Variants in RTN4 observed in about 807,000 individuals in gnomAD.
RTN4 encodes reticulon 4, also known as reticulon-4.
In RTN4, 32 loss-of-function variants were observed where a neutral mutation model predicts 90.4. The observed-to-expected ratio is 0.35, with a 90% CI of 0.27 to 0.48. The LOEUF is 0.48. Among genes scored for constraint, RTN4 ranks in the 20% least tolerant of loss-of-function variants. The pLI is 0.99. For synonymous variants in RTN4, 629 were observed against 552.5 expected, an observed-to-expected ratio of 1.14 and a Z score of -1.94; for missense variants, 1,706 against 1,430.2, an observed-to-expected ratio of 1.19 and a Z score of -3.11.
At chr2:55,080,167 C>G (rs1436673805) in intron 2 of RTN4, among the ~76,000 whole-genome samples, 2 of 152,094 alleles carry the variant, frequency 1.3e-5, no homozygotes, top group Admixed American at 1.3e-4. Context: ...CAGGTACACA[C>G]CACCATACCC....
At chr2:55,074,603 A>C (rs1668570621) in intron 2 of RTN4, among the ~76,000 whole-genome samples, 1 of 152,138 alleles carries the variant, frequency 6.6e-6, no homozygotes, top group African/African-American at 2.4e-5. Flanking sequence ...CCTAATATCA[A>C]AATGAAGAAA....
Position 55,025,211 on chromosome 2 carries a change from T to A in RTN4, c.2888A>T (p.Glu963Val). The A allele has an allele frequency of 6.2e-7, 1 of 1,613,882 alleles. No homozygotes were observed. The highest frequency in any genetic ancestry group is 8.5e-7 in the Non-Finnish European group (1 of 1,179,826). The change falls in exon 3 of 9, where the codon GAG becomes GTG. Residue 963 changes from glutamate to valine, a missense_variant. Coordinates refer to ENST00000337526, the MANE Select transcript of RTN4 (RefSeq NM_020532.5). ...TTTGGGTTTAACTATGCTCTCTATC[T>A]CTGCTTGAGTGGCCAAAGCAGAAAC... The part of the protein sequence containing the change: ...PDVSALATQA[E>V]IESIVKPKVL...
Position 55,049,795 on chromosome 2 carries a change from G to C in RTN4, c.506C>G (p.Pro169Arg). The C allele has an allele frequency of 7.6e-7, 1 of 1,310,020 alleles. No homozygotes were observed. The highest frequency in any genetic ancestry group is 9.7e-7 in the Non-Finnish European group (1 of 1,031,610). The allele number at this position is 1,310,020 out of a possible 1,614,324, so 81.1% of individuals were successfully genotyped here. Residue 169 changes from proline (P) to arginine (R), a missense_variant, in exon 1 of 9, where the codon CCC becomes CGC. Transcript: ENST00000337526. ...CTTGGGCGCGGCCGGGGTGGAGGGG[G>C]GCGCGGCGGGAGCCGGGGCTGGCGG... ...WTPPAPAPAA[P>R]PSTPAAPKRR...
the RTN4 span, among the ~76,000 whole-genome samples, chr2:55,136,499 C>T: frequency 2.0e-5 from 3 of 152,322 alleles, no homozygotes; most frequent in South Asian, 4.1e-4. Flanking sequence ...TTTGTTCCTG[C>T]GCTAAAACTT....
intron 5 of RTN4, among the ~76,000 whole-genome samples, chr2:54,981,732 G>A (rs2588513): frequency 0.85 from 129,988 of 152,098 alleles, 55,987 homozygotes; most frequent in African/African-American, 0.97. Flanking sequence ...ATGATTACCA[G>A]TTGAAGATTA....
At chr2:55,118,896 G>A in the RTN4 span, among the ~76,000 whole-genome samples, 1 of 152,230 alleles carries the variant, frequency 6.6e-6, no homozygotes, top group Non-Finnish European at 1.5e-5. Context: ...CTTTTCTCCT[G>A]TCTAAATTCT....
At chr2:55,058,084 T>G (rs987593729) in intron 2 of RTN4, among the ~76,000 whole-genome samples, 5 of 152,132 alleles carry the variant, frequency 3.3e-5, no homozygotes, top group Admixed American at 6.5e-5. Context: ...AAGGACCTAT[T>G]TGAGGGACTT....
intron 1 of RTN4, among the ~76,000 whole-genome samples, chr2:55,045,482 T>C (rs1420643129): frequency 1.3e-5 from 2 of 152,232 alleles, no homozygotes; most frequent in Non-Finnish European, 2.9e-5. Context: ...AATAGCTTTC[T>C]AAATAATTCA....
chr2:54,999,243 T>G (rs958012118), intron 3 of RTN4, among the ~76,000 whole-genome samples: 1 of 152,214 alleles, frequency 6.6e-6, no homozygotes, highest in African/African-American at 2.4e-5. Context: ...CTTAAATCTT[T>G]TCTTTAAAAT....
At chr2:54,996,718 G>C (rs1679456084) in intron 3 of RTN4, among the ~76,000 whole-genome samples, 1 of 152,156 alleles carries the variant, frequency 6.6e-6, no homozygotes, top group Admixed American at 6.5e-5. Flanking sequence ...AAAGTTAAGA[G>C]CTTAAACTAG....
chr2:55,084,084 G>A (rs1188172919), intron 1 of RTN4, among the ~76,000 whole-genome samples: 1 of 152,154 alleles, frequency 6.6e-6, no homozygotes, highest in Non-Finnish European at 1.5e-5. Flanking sequence ...CAACCTCCAG[G>A]AAGGAAAGAG....
chr2:55,074,767 G>T (rs931403050), intron 2 of RTN4, among the ~76,000 whole-genome samples: 1 of 152,132 alleles, frequency 6.6e-6, no homozygotes, highest in Non-Finnish European at 1.5e-5. Context: ...TAAAGGGATG[G>T]TTTAACATCT....
intron 3 of RTN4, among the ~76,000 whole-genome samples, chr2:54,995,672 C>T (rs1365652948): frequency 1.3e-5 from 2 of 152,108 alleles, no homozygotes; most frequent in Non-Finnish European, 2.9e-5. Flanking sequence ...AAGGCAGGAA[C>T]CAACCCTGGA....
At chr2:55,000,175 A>T (rs1349784334) in intron 3 of RTN4, among the ~76,000 whole-genome samples, 1 of 152,162 alleles carries the variant, frequency 6.6e-6, no homozygotes, top group East Asian at 1.9e-4. Context: ...CTGATTTTTT[A>T]AAAAAGGTGA....
At chr2:55,040,361 CCTCTTCA>C (rs1291234984) in intron 1 of RTN4, among the ~76,000 whole-genome samples, 3 of 151,920 alleles carry the variant, frequency 2.0e-5, no homozygotes, top group African/African-American at 4.8e-5. Flanking sequence ...TCTTTGGTAA[CCTCTTCA>C]GAAGAGAATA....
chr2:55,055,495 C>T (rs1044107033), upstream of RTN4, among the ~76,000 whole-genome samples: 8 of 152,076 alleles, frequency 5.3e-5, no homozygotes, highest in African/African-American at 1.4e-4. Flanking sequence ...TGGCCGGGCG[C>T]GGTGGCTCAC....
upstream of RTN4, among the ~76,000 whole-genome samples, chr2:55,114,663 C>A (rs545940387): frequency 3.9e-5 from 6 of 152,244 alleles, no homozygotes; most frequent in East Asian, 1.2e-3. Flanking sequence ...TGCGGCACTG[C>A]ACTCCAGGCT....
At chr2:55,136,615 A>G in the RTN4 span, among the ~76,000 whole-genome samples, 1 of 152,188 alleles carries the variant, frequency 6.6e-6, no homozygotes, top group Admixed American at 6.5e-5. Flanking sequence ...CCACAGACCC[A>G]TATGGATTCA....
chr2:55,121,495 A>G, the RTN4 span, among the ~76,000 whole-genome samples: 186 of 152,306 alleles, frequency 1.2e-3, no homozygotes, highest in Non-Finnish European at 2.2e-3. Flanking sequence ...ATATCTACCC[A>G]TTTGATTCAT....
Sources: allele counts gnomAD v4.1 joint callset (sites outside exome capture counted in the v4.1 genomes callset), GRCh38; gene constraint gnomAD v4.1.1; transcripts MANE v1.5; gene names NCBI Gene and HGNC (gene_info 2026-07-23, HGNC 2026-07-21).